Variants in NRBP2 observed in about 807,000 individuals in gnomAD.
NRBP2 encodes nuclear receptor-binding protein 2.
A neutral mutation model predicts 74.4 loss-of-function variants in NRBP2; 47 were observed. The ratio of observed to expected loss-of-function variants is 0.63; its 90% CI spans 0.50 to 0.81. The LOEUF (loss-of-function observed/expected upper bound fraction) is 0.81. Among genes scored for constraint, NRBP2 ranks in the 30% least tolerant of loss-of-function variants. NRBP2 has a pLI of 0.00. For missense variants in NRBP2, 613 were observed against 690.1 expected (o/e 0.89, Z 1.25); for synonymous variants, 312 against 273.8 (o/e 1.14, Z -1.38).
downstream of NRBP2, among the ~76,000 whole-genome samples, chr8:143,831,260 G>T (rs1196602390): frequency 2.0e-5 from 3 of 152,234 alleles, no homozygotes; most frequent in Non-Finnish European, 4.4e-5. Flanking sequence ...TCACAAGGCA[G>T]GGAGCAGCAG....
At chr8:143,833,453 G>A (rs1818233761), downstream of NRBP2, 4 of 152,080 alleles carry the variant, frequency 2.6e-5, no homozygotes, top group South Asian at 2.1e-4. Flanking sequence ...GCAGGTGACC[G>A]CCCTCCTCCC....
downstream of NRBP2, among the ~76,000 whole-genome samples, chr8:143,831,009 A>G (rs1347238596): frequency 6.6e-6 from 1 of 152,234 alleles, no homozygotes; most frequent in Non-Finnish European, 1.5e-5. Flanking sequence ...TCTTAGGGCT[A>G]GCCTGGCACA....
chr8:143,840,715 T>C lies in NRBP2; in HGVS notation c.120A>G (p.Arg40=). 1 of 1,503,170 alleles carries C rather than the reference T, an allele frequency of 6.7e-7. No homozygotes were observed. The highest frequency in any genetic ancestry group is 8.8e-7 in the Non-Finnish European group (1 of 1,131,054). 93.1% of individuals were successfully genotyped at this position (1,503,170 alleles called of 1,614,324 possible). A position where few individuals can be genotyped will look rare whatever the true frequency, so the allele number is the denominator to read the frequency against. The change falls in exon 1 of 18, where the codon CGA becomes CGG. Residue 40 remains arginine, a synonymous_variant. Coordinates refer to ENST00000442628, the MANE Select transcript of NRBP2 (RefSeq NM_178564.4). The surrounding 1 kb of genome is among the most constrained non-coding windows in gnomAD (Gnocchi z 5.7). ...CAACCCCCGCGCCCACCTGCTCCCG[T>C]CGCTTTTGCCAGCGACCACACGGGC... ...EESPCGRWQK[R]REQVNQGNMP... is the part of the protein sequence containing the mutation.
chr8:143,837,671 C>G lies in NRBP2; in HGVS notation c.925G>C (p.Val309Leu), dbSNP rs1421349680. ...SLLFHRVLFE[V>L]HSLKLLAAHC... ...GCTGCCAGGAGCTTCAGCGAGTGCA[C>G]CTCGAAGAGCACGCGGTGGAAGAGG... is the stretch of plus-strand genomic sequence containing the variant. Residue 309 changes from valine to leucine, a missense_variant, in exon 11 of 18, where the codon GTG becomes CTG. Physicochemically the swap from Val to Leu is conservative, Grantham distance 32. Around this residue, in one of 2 missense-constraint regions of NRBP2, gnomAD observed 281 missense variants for 260.9 expected, o/e 1.08. Transcript: ENST00000442628. This position sits in a 1 kb window ranked among gnomAD's most constrained non-coding sequence, Gnocchi z 4.3. The G allele has an allele frequency of 3.1e-6, 5 of 1,590,670 alleles. No individual in the cohort carries two copies. Among genetic ancestry groups the G allele is most frequent in the Non-Finnish European group, 4.3e-6 (5 of 1,168,716 alleles).
chr8:143,838,551 G>T, intron 10 of NRBP2, 129 bp downstream of exon 10: 1 of 680,792 alleles, frequency 1.5e-6, no homozygotes, highest in Non-Finnish European at 2.5e-6. Flanking sequence ...TCTTTGGGAG[G>T]GGTGCAGTCA....
rs782237452 is a variant in NRBP2 at position 143,835,588 on chromosome 8, C to T, written c.*74G>A. 64 of 1,275,630 alleles carry T rather than the reference C, an allele frequency of 5.0e-5. No individual in the cohort carries two copies. Among genetic ancestry groups the T allele is most frequent in the African/African-American group, 1.1e-4 (7 of 66,266 alleles). The allele number at this position is 1,275,630 out of a possible 1,614,324, so 79.0% of individuals were successfully genotyped here. ...AGGCGCATGGAGGAGGGCAGCCCCA[C>T]GGTGCTGGAGTCTCCCCAACATGGC... On this transcript the variant is annotated 3_prime_UTR_variant, in exon 18 of 18. Transcript: ENST00000442628. The surrounding 1 kb of genome is among the most constrained non-coding windows in gnomAD (Gnocchi z 4.9).
chr8:143,839,549 C>A lies in NRBP2; in HGVS notation c.445G>T (p.Ala149Ser). The change falls in exon 5 of 18, where the codon GCC (alanine) becomes TCC (serine). Residue 149 changes from alanine (A) to serine (S), a missense_variant and splice_region_variant. By Grantham distance (99) the Ala-to-Ser change is moderately conservative. This residue lies in a region of NRBP2 where 332 missense variants were observed against 429.2 expected (regional missense o/e 0.77). Coordinates refer to ENST00000442628, the MANE Select transcript of NRBP2 (RefSeq NM_178564.4). The surrounding 1 kb of genome is among the most constrained non-coding windows in gnomAD (Gnocchi z 5.1). ...ATCTGCGTGCACCAGCGCTTCCAGG[C>A]CTGGCGGCGGACGCACGACTCCGTC... ...KKNHKAMNAR[A>S]WKRWCTQILS... 6.5e-7 allele frequency: 1 copy of A among 1,531,006 alleles called. No individual in the cohort carries two copies. The highest frequency in any genetic ancestry group is 8.7e-7 in the Non-Finnish European group (1 of 1,144,858). The allele number at this position is 1,531,006 out of a possible 1,614,324, so 94.8% of individuals were successfully genotyped here.
Position 143,837,547 on chromosome 8 carries a change from C to T in NRBP2, c.974-38G>A, listed in dbSNP as rs908544176. The stretch of plus-strand genomic sequence containing the variant: ...GAGCATCAAGGCGGTGTGCTCAGGC[C>T]GTGGGTCCTGCAGGGCCCCTTCCAC... On this transcript the variant is annotated intron_variant, in intron 11 of 17. Coordinates refer to ENST00000442628, the MANE Select transcript of NRBP2 (RefSeq NM_178564.4). This position sits in a 1 kb window ranked among gnomAD's most constrained non-coding sequence, Gnocchi z 4.3. 3.8e-6 allele frequency: 6 copies of T among 1,597,436 alleles called. No homozygotes were observed. Among genetic ancestry groups the T allele is most frequent in the African/African-American group, 2.7e-5 (2 of 74,672 alleles).
In NRBP2 at chr8:143,839,318, GCCGAT is replaced by G; in HGVS notation, c.571_575del (p.Ile191LeufsTer14). 1 of 1,569,500 alleles carries G rather than the reference GCCGAT, an allele frequency of 6.4e-7. No individual in the cohort carries two copies. The highest frequency in any genetic ancestry group is 8.6e-7 in the Non-Finnish European group (1 of 1,165,150). ...CCAGCCCTGCCCCGCCAGCACCGGA[GCCGAT>G]CTTGATGAGGCCGTTGTGCTGAATG... On this transcript the variant is annotated frameshift_variant, in exon 6 of 18. Coordinates refer to ENST00000442628, the MANE Select transcript of NRBP2 (RefSeq NM_178564.4). LOFTEE classifies it high-confidence loss of function. The surrounding 1 kb of genome is among the most constrained non-coding windows in gnomAD (Gnocchi z 5.1).
chr8:143,837,284 G>T lies in NRBP2; in HGVS notation c.1092C>A (p.Ser364=), dbSNP rs782300982. Residue 364 remains serine (S), a synonymous_variant, in exon 13 of 18, where the codon TCC becomes TCA. Coordinates refer to ENST00000442628, the MANE Select transcript of NRBP2 (RefSeq NM_178564.4). This position sits in a 1 kb window ranked among gnomAD's most constrained non-coding sequence, Gnocchi z 4.3. The stretch of plus-strand genomic sequence containing the variant: ...CCAGGAATTTGTCCAGCTCCATGAA[G>T]GAGACTTCCGAGTACCTGGCATGGA... The part of the protein sequence containing the change: ...PPLQWRYSEV[S]FMELDKFLED... The T allele has an allele frequency of 3.7e-6, 6 of 1,613,464 alleles. No individual in the cohort carries two copies. The East Asian group carries it at 1.3e-4, about 36-fold the overall frequency.
At position 143,839,719 on chromosome 8, in the gene NRBP2, C is replaced by T. The variant is rs1818610616; in HGVS notation, c.444+17G>A. On this transcript the variant is annotated intron_variant, in intron 4 of 17. Transcript: ENST00000442628. The surrounding 1 kb of genome is among the most constrained non-coding windows in gnomAD (Gnocchi z 5.1). Reference sequence around the variant, plus strand: ...CCCCGTCCTGTCCCCGTGGCTGCCCCAGCCCGCTCCCCATACCCGGGCGTT... The same window carrying T: ...CCCCGTCCTGTCCCCGTGGCTGCCCTAGCCCGCTCCCCATACCCGGGCGTT... 1 of 1,534,100 alleles carries T rather than the reference C, an allele frequency of 6.5e-7. No individual in the cohort carries two copies. Among genetic ancestry groups the T allele is most frequent in the Non-Finnish European group, 8.7e-7 (1 of 1,146,482 alleles).
At chr8:143,836,282 A>G in intron 14 of NRBP2, 102 bp from the exon 15 acceptor site, 3 of 1,411,934 alleles carry the variant, frequency 2.1e-6, no homozygotes, top group Admixed American at 3.3e-5. Context: ...AAAGGGGGGA[A>G]TCTCTAAGAG....
chr8:143,838,674 G>T lies in NRBP2; in HGVS notation c.840+6C>A, dbSNP rs369052336. The T allele has an allele frequency of 3.1e-5, 50 of 1,600,634 alleles. No individual in the cohort carries two copies. In the African/African-American group the frequency reaches 5.6e-4, roughly 18 times the overall value. On this transcript the variant is annotated splice_donor_region_variant and intron_variant, in intron 10 of 17. Coordinates refer to ENST00000442628, the MANE Select transcript of NRBP2 (RefSeq NM_178564.4). ...CAGCTGGGGAGGGGCAGGGCAAGCT[G>T]CTTACCCGCATGTTGGGGTCACTCA...
In NRBP2 at chr8:143,839,911, G is replaced by C; in HGVS notation, c.354+18C>G. The C allele has an allele frequency of 6.5e-7, 1 of 1,535,820 alleles. No homozygotes were observed. Among genetic ancestry groups the C allele is most frequent in the East Asian group, 2.4e-5 (1 of 40,922 alleles). Reference sequence around the variant, plus strand: ...CTAGCTGTGGTCTCTGCCTGCCCGGGGCCTTGCCCGTGCTCACCCTCGCGC... The same window carrying C: ...CTAGCTGTGGTCTCTGCCTGCCCGGCGCCTTGCCCGTGCTCACCCTCGCGC... On this transcript the variant is annotated intron_variant, in intron 3 of 17. Coordinates refer to ENST00000442628, the MANE Select transcript of NRBP2 (RefSeq NM_178564.4). The surrounding 1 kb of genome is among the most constrained non-coding windows in gnomAD (Gnocchi z 5.1).
chr8:143,835,528 G>T lies in NRBP2; in HGVS notation c.*134C>A. 1 of 785,710 alleles carries T rather than the reference G, an allele frequency of 1.3e-6. No individual in the cohort carries two copies. Among genetic ancestry groups the T allele is most frequent in the South Asian group, 1.6e-5 (1 of 60,906 alleles). 48.7% of individuals were successfully genotyped at this position (785,710 alleles called of 1,614,324 possible). ...GGGTCAGCCCCACTCTCAGGAGACG[G>T]GGGGTTCCTTCACTACCGGGGCCTT... On this transcript the variant is annotated 3_prime_UTR_variant, in exon 18 of 18. Coordinates refer to ENST00000442628, the MANE Select transcript of NRBP2 (RefSeq NM_178564.4). The surrounding 1 kb of genome is among the most constrained non-coding windows in gnomAD (Gnocchi z 4.9).
rs1818241645 is a variant in NRBP2, at chr8:143,833,634, A to C, written c.*2028T>G. The stretch of plus-strand genomic sequence containing the variant: ...GCATTTATTATTTATTATTGGCCTC[A>C]AAAAAAAAACTATTCTACTTTAAAA... On this transcript the variant is annotated 3_prime_UTR_variant, in exon 18 of 18. Transcript: ENST00000442628. The C allele has an allele frequency of 6.7e-6, 1 of 149,670 alleles. No individual in the cohort carries two copies. The highest frequency in any genetic ancestry group is 2.4e-5 in the African/African-American group (1 of 40,838). The allele number at this position is 149,670 out of a possible 1,614,324, so 9.3% of individuals were successfully genotyped here. A position where few individuals can be genotyped will look rare whatever the true frequency, so the allele number is the denominator to read the frequency against.
rs1337140639 is a variant in NRBP2 at position 143,840,826 on chromosome 8, G to A, written c.9C>T (p.Ala3=). MA[A]PEPAPRRARE... is the part of the protein sequence containing the mutation. Reference sequence around the variant, plus strand: ...GGGCCCGCCTCGGCGCCGGCTCCGGGGCCGCCATGGTTCGGCCAGCCCAGG... The same window carrying A: ...GGGCCCGCCTCGGCGCCGGCTCCGGAGCCGCCATGGTTCGGCCAGCCCAGG... Residue 3 remains alanine, a synonymous_variant, in exon 1 of 18, where the codon GCC becomes GCT. Transcript: ENST00000442628. This position sits in a 1 kb window ranked among gnomAD's most constrained non-coding sequence, Gnocchi z 5.7. The A allele has an allele frequency of 1.9e-5, 28 of 1,488,550 alleles. No homozygotes were observed. Among genetic ancestry groups the A allele is most frequent in the Admixed American group, 8.5e-5 (4 of 46,814 alleles). The allele number at this position is 1,488,550 out of a possible 1,614,324, so 92.2% of individuals were successfully genotyped here.
At position 143,839,320 on chromosome 8, in the gene NRBP2, C is replaced by T; in HGVS notation, c.574G>A (p.Gly192Ser). 1 of 1,572,790 alleles carries T rather than the reference C, an allele frequency of 6.4e-7. No individual in the cohort carries two copies. The highest frequency in any genetic ancestry group is 8.6e-7 in the Non-Finnish European group (1 of 1,167,012). ...AGCCCTGCCCCGCCAGCACCGGAGCCGATCTTGATGAGGCCGTTGTGCTGA... is the reference window on the plus strand; with the variant it reads ...AGCCCTGCCCCGCCAGCACCGGAGCTGATCTTGATGAGGCCGTTGTGCTGA... Reference protein sequence around the residue: ...FIQHNGLIKIGSVWHRIFSNA... With the variant: ...FIQHNGLIKISSVWHRIFSNA... Residue 192 changes from glycine to serine, a missense_variant, in exon 6 of 18, where the codon GGC (glycine) becomes AGC (serine). Physicochemically the swap from Gly to Ser is moderately conservative, Grantham distance 56 (BLOSUM62 0). Transcript: ENST00000442628. This position sits in a 1 kb window ranked among gnomAD's most constrained non-coding sequence, Gnocchi z 5.1.
rs568513678 is a variant in NRBP2, at chr8:143,839,128, C to A, written c.605-28G>T. 2.0e-6 allele frequency: 3 copies of A among 1,511,310 alleles called. No individual in the cohort carries two copies. Among genetic ancestry groups the A allele is most frequent in the East Asian group, 2.5e-5 (1 of 40,578 alleles). 93.6% of individuals were successfully genotyped at this position (1,511,310 alleles called of 1,614,324 possible). A position where few individuals can be genotyped will look rare whatever the true frequency, so the allele number is the denominator to read the frequency against. On this transcript the variant is annotated intron_variant, in intron 7 of 17. Coordinates refer to ENST00000442628, the MANE Select transcript of NRBP2 (RefSeq NM_178564.4). The surrounding 1 kb of genome is among the most constrained non-coding windows in gnomAD (Gnocchi z 5.1). Reference sequence around the variant, plus strand: ...GTGGGAGGGCGCAGAGCTGAGCGGGCGGGGACCTCTCCAGGACCCCGTCCC... The same window carrying A: ...GTGGGAGGGCGCAGAGCTGAGCGGGAGGGGACCTCTCCAGGACCCCGTCCC...
Sources: gnomAD v4.1 joint callset for allele counts (sites outside exome capture counted in the v4.1 genomes callset) on GRCh38, gnomAD v4.1.1 for gene constraint, gnomAD v4.1.1 regional missense constraint, Gnocchi (gnomAD v3.1) non-coding constraint, MANE v1.5 for transcripts, NCBI Gene and HGNC (gene_info 2026-07-23, HGNC 2026-07-21) for gene names.